SLC24A2: variants seen among roughly 807,000 people sequenced by gnomAD.
SLC24A2 encodes sodium/potassium/calcium exchanger 2.
In SLC24A2, 36 loss-of-function variants were observed where a neutral mutation model predicts 62.0. That is an observed-to-expected ratio of 0.58 (90% CI 0.44 to 0.77). SLC24A2 has a LOEUF of 0.77. Among genes scored for constraint, SLC24A2 ranks in the 30% least tolerant of loss-of-function variants. SLC24A2 has a pLI of 0.00. For missense variants in SLC24A2, 846 were observed against 817.9 expected, an observed-to-expected ratio of 1.03 and a Z score of -0.42; for synonymous variants, 358 against 294.0, an observed-to-expected ratio of 1.22 and a Z score of -2.23.
chr9:19,834,211 C>A, the SLC24A2 span, among the ~76,000 whole-genome samples: 1 of 152,112 alleles, frequency 6.6e-6, no homozygotes, highest in African/African-American at 2.4e-5. Context: ...TGCAATGGAA[C>A]AAAGCTGGAT....
chr9:20,223,185 A>G, the SLC24A2 span, among the ~76,000 whole-genome samples: 1 of 152,176 alleles, frequency 6.6e-6, no homozygotes, highest in African/African-American at 2.4e-5. Flanking sequence ...GGTAAATCTA[A>G]GAAAAGATAT....
chr9:19,567,881 CTG>C (rs981195532), intron 7 of SLC24A2, among the ~76,000 whole-genome samples: 4 of 152,248 alleles, frequency 2.6e-5, no homozygotes, highest in African/African-American at 9.6e-5. Context: ...CTTCATTCCT[CTG>C]TGAGAGTATT....
chr9:19,796,160 T>C, the SLC24A2 span, among the ~76,000 whole-genome samples: 4 of 149,084 alleles, frequency 2.7e-5, no homozygotes, highest in Non-Finnish European at 3.0e-5. Flanking sequence ...TTAGGAGATA[T>C]ACCTAATGTT....
chr9:19,873,076 T>C, the SLC24A2 span, among the ~76,000 whole-genome samples: 1 of 152,196 alleles, frequency 6.6e-6, no homozygotes, highest in East Asian at 1.9e-4. Context: ...CCCTCTGTGT[T>C]TGAACTCAGA....
intron 4 of SLC24A2, among the ~76,000 whole-genome samples, chr9:19,612,312 T>C (rs1287033817): frequency 6.6e-6 from 1 of 152,228 alleles, no homozygotes; most frequent in Admixed American, 6.5e-5. Context: ...GCTTTTCATA[T>C]ACTAGCTCAC....
intron 2 of SLC24A2, among the ~76,000 whole-genome samples, chr9:19,701,993 A>C (rs1324667473): frequency 1.3e-5 from 2 of 152,182 alleles, no homozygotes; most frequent in Non-Finnish European, 2.9e-5. Context: ...TAGAGTCAGA[A>C]TCTCTTGTTT....
intron 4 of SLC24A2, among the ~76,000 whole-genome samples, chr9:19,606,864 T>C (rs1212220152): frequency 6.6e-6 from 1 of 152,198 alleles, no homozygotes; most frequent in Non-Finnish European, 1.5e-5. Flanking sequence ...GTGGATCTGA[T>C]AATGTGAGGT....
rs761050436 is a variant in SLC24A2, at chr9:19,521,093, G to T, written c.1570-33C>A. 2.5e-6 allele frequency: 4 copies of T among 1,608,564 alleles called. No homozygotes were observed. In the Admixed American group the frequency reaches 6.7e-5, roughly 27 times the overall value. ...TCAGGACAGGAATAAACATCTCAGT[G>T]TTTGAAGTTACAAAATCATAAAAAT... On this transcript the variant is annotated intron_variant, in intron 9 of 10. Coordinates refer to ENST00000341998, the MANE Select transcript of SLC24A2 (RefSeq NM_020344.4).
the SLC24A2 span, among the ~76,000 whole-genome samples, chr9:19,918,936 CT>C: frequency 6.6e-6 from 1 of 152,170 alleles, no homozygotes; most frequent in African/African-American, 2.4e-5. Flanking sequence ...TTACAATGTT[CT>C]GGGCAAGAAA....
chr9:20,218,820 C>G, the SLC24A2 span, among the ~76,000 whole-genome samples: 2 of 152,064 alleles, frequency 1.3e-5, no homozygotes, highest in Non-Finnish European at 2.9e-5. Context: ...GTCAGAAGAC[C>G]AGGCCAAGCT....
At chr9:19,908,195 T>C in the SLC24A2 span, among the ~76,000 whole-genome samples, 1 of 152,128 alleles carries the variant, frequency 6.6e-6, no homozygotes, top group Non-Finnish European at 1.5e-5. Flanking sequence ...TCTACAACCA[T>C]CTGATCTTTG....
chr9:20,299,035 A>G, the SLC24A2 span, among the ~76,000 whole-genome samples: 2 of 152,222 alleles, frequency 1.3e-5, no homozygotes, highest in South Asian at 2.1e-4. Context: ...ACAGTCCCAT[A>G]GAGTCATTCC....
intron 2 of SLC24A2, among the ~76,000 whole-genome samples, chr9:19,697,612 C>G (rs527491704): frequency 6.6e-6 from 1 of 152,116 alleles, no homozygotes; most frequent in African/African-American, 2.4e-5. Context: ...TTTCCTTACA[C>G]TGGCTTAGCT....
chr9:19,629,399 A>C (rs1818120480), intron 2 of SLC24A2, among the ~76,000 whole-genome samples: 2 of 152,228 alleles, frequency 1.3e-5, no homozygotes, highest in Non-Finnish European at 2.9e-5. Flanking sequence ...ATTTAGAATG[A>C]AAGCTTTGAT....
chr9:19,973,535 G>T, the SLC24A2 span, among the ~76,000 whole-genome samples: 12 of 152,270 alleles, frequency 7.9e-5, no homozygotes, highest in Non-Finnish European at 1.8e-4. Context: ...CTTAGATTTG[G>T]GTCCTGCCTT....
chr9:20,038,851 G>A, the SLC24A2 span, among the ~76,000 whole-genome samples: 1 of 152,136 alleles, frequency 6.6e-6, no homozygotes, highest in Non-Finnish European at 1.5e-5. Context: ...TGCTAAGGAG[G>A]CAGGAAAGAT....
At chr9:19,821,002 C>A in the SLC24A2 span, among the ~76,000 whole-genome samples, 1 of 152,110 alleles carries the variant, frequency 6.6e-6, no homozygotes, top group South Asian at 2.1e-4. Context: ...TGAAAAAATA[C>A]TTTTATTTCA....
At chr9:19,524,594 A>C (rs1833352157) in intron 9 of SLC24A2, among the ~76,000 whole-genome samples, 2 of 152,334 alleles carry the variant, frequency 1.3e-5, no homozygotes, top group Admixed American at 1.3e-4. Context: ...AAGTACAAAC[A>C]ACAGAATTAG....
the SLC24A2 span, among the ~76,000 whole-genome samples, chr9:19,812,184 C>T: frequency 1.3e-5 from 2 of 151,880 alleles, no homozygotes; most frequent in Admixed American, 1.3e-4. Context: ...ACTGTTTTTT[C>T]TTAGCTGCTC....
Sources: gnomAD v4.1 joint callset for allele counts (sites outside exome capture counted in the v4.1 genomes callset) on GRCh38, gnomAD v4.1.1 for gene constraint, MANE v1.5 for transcripts, NCBI Gene and HGNC (gene_info 2026-07-23, HGNC 2026-07-21) for gene names.